CAST: variants seen among roughly 807,000 people sequenced by gnomAD.
CAST encodes the protein calpastatin, also known as MIR583 host.
Under a neutral mutation model 119.6 loss-of-function variants are expected in CAST, and 76 were observed. The observed-to-expected ratio is 0.64, with a 90% CI of 0.53 to 0.77. The LOEUF is 0.77. Ranked by LOEUF, CAST falls within the 30% of genes least tolerant of loss-of-function variation. CAST has a pLI of 0.00. For synonymous variants in CAST, 319 were observed against 331.6 expected, an observed-to-expected ratio of 0.96 and a Z score of 0.41; for missense variants, 953 against 946.5, an observed-to-expected ratio of 1.01 and a Z score of -0.09.
At chr5:96,219,247 C>G in the CAST span, among the ~76,000 whole-genome samples, 1 of 152,152 alleles carries the variant, frequency 6.6e-6, no homozygotes, top group Non-Finnish European at 1.5e-5. Flanking sequence ...CATAATCACA[C>G]TCCTCAAGAA....
At chr5:95,985,139 C>A in the CAST span, among the ~76,000 whole-genome samples, 1 of 152,062 alleles carries the variant, frequency 6.6e-6, no homozygotes, top group Non-Finnish European at 1.5e-5. Context: ...ATTGCAAGAC[C>A]CCATTTCTAC....
the CAST span, among the ~76,000 whole-genome samples, chr5:96,200,431 A>G: frequency 6.6e-6 from 1 of 152,134 alleles, no homozygotes; most frequent in African/African-American, 2.4e-5. Flanking sequence ...GTTGCCCTAG[A>G]ACACTAGAGT....
chr5:96,725,692 C>T (rs1008328804), intron 4 of CAST, among the ~76,000 whole-genome samples: 5 of 152,182 alleles, frequency 3.3e-5, no homozygotes, highest in African/African-American at 7.2e-5. Context: ...TGTGAGCATA[C>T]ATTCTTAATT....
intron 4 of CAST, 67 bp downstream of exon 4, chr5:96,722,765 A>G (rs1408665010): frequency 9.0e-7 from 1 of 1,106,448 alleles, no homozygotes; most frequent in African/African-American, 1.5e-5. Flanking sequence ...AAACAAATGT[A>G]GACTAATTGT....
At chr5:96,434,877 A>G in the CAST span, among the ~76,000 whole-genome samples, 8 of 152,230 alleles carry the variant, frequency 5.3e-5, no homozygotes, top group African/African-American at 1.4e-4. Context: ...TCTTTACAAA[A>G]TCAAATGCCA....
At chr5:96,338,396 C>G in the CAST span, among the ~76,000 whole-genome samples, 1 of 152,152 alleles carries the variant, frequency 6.6e-6, no homozygotes, top group Non-Finnish European at 1.5e-5. Flanking sequence ...TTCCTTCCTT[C>G]TTCCTTTGTA....
chr5:96,545,793 G>A (rs1308146429), intron 1 of CAST, among the ~76,000 whole-genome samples: 1 of 152,196 alleles, frequency 6.6e-6, no homozygotes, highest in Admixed American at 6.5e-5. Flanking sequence ...CATGGAGTGT[G>A]CCATTTTTCT....
chr5:96,740,450 C>T (rs979272239), intron 12 of CAST, among the ~76,000 whole-genome samples: 1 of 151,746 alleles, frequency 6.6e-6, no homozygotes, highest in Non-Finnish European at 1.5e-5. Flanking sequence ...CTTCCCGTGT[C>T]TCTACACACC....
chr5:96,509,586 C>T, the CAST span, among the ~76,000 whole-genome samples: 1 of 152,136 alleles, frequency 6.6e-6, no homozygotes, highest in Non-Finnish European at 1.5e-5. Flanking sequence ...AGAAATATAA[C>T]ATGAGCATGG....
chr5:96,569,996 T>C (rs967273244), intron 1 of CAST, among the ~76,000 whole-genome samples: 1 of 152,122 alleles, frequency 6.6e-6, no homozygotes, highest in Non-Finnish European at 1.5e-5. Context: ...TCAATCTAAT[T>C]CCATCTGACT....
At chr5:96,492,236 C>T in the CAST span, among the ~76,000 whole-genome samples, 1 of 152,108 alleles carries the variant, frequency 6.6e-6, no homozygotes, top group Non-Finnish European at 1.5e-5. Flanking sequence ...GCTTTGATTC[C>T]CTTAAAGTTT....
At chr5:96,530,239 C>T (rs778313646) in intron 1 of CAST, among the ~76,000 whole-genome samples, 10 of 151,812 alleles carry the variant, frequency 6.6e-5, no homozygotes, top group Non-Finnish European at 1.3e-4. Context: ...GGGGAGGAGG[C>T]TTGTAAATGG....
chr5:95,990,670 G>T, the CAST span, among the ~76,000 whole-genome samples: 2 of 152,096 alleles, frequency 1.3e-5, no homozygotes, highest in South Asian at 4.2e-4. Flanking sequence ...ATTTAAAAAT[G>T]ATTATGTGAA....
chr5:96,012,197 G>A, the CAST span, among the ~76,000 whole-genome samples: 3 of 152,130 alleles, frequency 2.0e-5, no homozygotes, highest in South Asian at 2.1e-4. Context: ...TGTAGTTAAT[G>A]TCACTGCAGT....
the CAST span, among the ~76,000 whole-genome samples, chr5:96,274,161 G>C: frequency 7.1e-3 from 1,070 of 151,556 alleles, 10 homozygotes; most frequent in African/African-American, 0.025. Flanking sequence ...GAGTGCAGTG[G>C]CGTGATCTTG....
intron 1 of CAST, among the ~76,000 whole-genome samples, chr5:96,629,706 C>T (rs1198649330): frequency 1.3e-5 from 2 of 152,216 alleles, no homozygotes; most frequent in African/African-American, 4.8e-5. Flanking sequence ...TCCCTATCAG[C>T]ATCTGATTCA....
chr5:96,185,006 C>T, the CAST span, among the ~76,000 whole-genome samples: 1 of 152,178 alleles, frequency 6.6e-6, no homozygotes, highest in Non-Finnish European at 1.5e-5. Context: ...TCCACAACCT[C>T]ACCAACATCT....
chr5:96,754,793 T>A, intron 22 of CAST, 52 bp downstream of exon 22: 6 of 1,020,022 alleles, frequency 5.9e-6, no homozygotes, highest in African/African-American at 1.6e-5. Context: ...ACTGAATTCA[T>A]ACACAGAACA....
chr5:96,522,760 T>G (rs1284526756), upstream of CAST, among the ~76,000 whole-genome samples: 1 of 152,200 alleles, frequency 6.6e-6, no homozygotes, highest in African/African-American at 2.4e-5. Flanking sequence ...CCTGCCTGCC[T>G]GCAGACTTGT....
Sources: gnomAD v4.1 joint callset for allele counts (sites outside exome capture counted in the v4.1 genomes callset) on GRCh38, gnomAD v4.1.1 for gene constraint, MANE v1.5 for transcripts, NCBI Gene and HGNC (gene_info 2026-07-23, HGNC 2026-07-21) for gene names.